Variants in GADL1 observed in about 807,000 individuals in gnomAD.
GADL1 encodes acidic amino acid decarboxylase GADL1.
A neutral mutation model predicts 69.5 loss-of-function variants in GADL1; 71 were observed. The observed-to-expected ratio is 1.02, with a 90% CI of 0.84 to 1.25. The LOEUF is 1.25. Ranked by LOEUF, GADL1 falls within the 50% of genes most tolerant of loss-of-function variation. The pLI is 0.00. For synonymous variants in GADL1, 254 were observed against 214.4 expected, an observed-to-expected ratio of 1.18 and a Z score of -1.62; for missense variants, 737 against 631.8, an observed-to-expected ratio of 1.17 and a Z score of -1.79.
chr3:30,826,954 G>A (rs879904433), intron 11 of GADL1, among the ~76,000 whole-genome samples: 10 of 151,772 alleles, frequency 6.6e-5, no homozygotes, highest in Admixed American at 4.6e-4. Flanking sequence ...ATGAGAGAAG[G>A]TAATGGCTAC....
chr3:30,804,176 T>A (rs1265584380), intron 11 of GADL1, among the ~76,000 whole-genome samples: 1 of 152,228 alleles, frequency 6.6e-6, no homozygotes, highest in African/African-American at 2.4e-5. Context: ...TCAGGCACAG[T>A]TGAATCCGGT....
At chr3:30,856,951 G>C in intron 3 of GADL1, 64 bp downstream of exon 3, 1 of 1,383,524 alleles carries the variant, frequency 7.2e-7, no homozygotes, top group South Asian at 1.3e-5. Context: ...TCAGCTTTGA[G>C]AGGCTTTGCA....
intron 13 of GADL1, among the ~76,000 whole-genome samples, chr3:30,781,678 T>C (rs568570448): frequency 2.9e-4 from 44 of 152,194 alleles, no homozygotes; most frequent in Middle Eastern, 3.2e-3. Flanking sequence ...ATCTTTGGGA[T>C]GAGTATCAAA....
At chr3:30,852,329 T>C (rs1232040326) in intron 4 of GADL1, among the ~76,000 whole-genome samples, 1 of 152,050 alleles carries the variant, frequency 6.6e-6, no homozygotes, top group Non-Finnish European at 1.5e-5. Context: ...CTGGCCAAGA[T>C]GGTGAAACCC....
intron 4 of GADL1, among the ~76,000 whole-genome samples, chr3:30,853,432 CATAATTTCACTGAT>C (rs1230457680): frequency 6.6e-5 from 10 of 152,114 alleles, no homozygotes; most frequent in Admixed American, 6.5e-4. Context: ...TTTCAATTAC[CATAATTTCACTGAT>C]AATTCTTAAG....
intron 1 of GADL1, among the ~76,000 whole-genome samples, chr3:30,887,794 A>G (rs1430723844): frequency 6.6e-6 from 1 of 152,212 alleles, no homozygotes; most frequent in Non-Finnish European, 1.5e-5. Flanking sequence ...TATACATTAA[A>G]AAGACATATC....
At chr3:30,765,594 G>A (rs975156035) in intron 14 of GADL1, among the ~76,000 whole-genome samples, 2 of 152,216 alleles carry the variant, frequency 1.3e-5, no homozygotes, top group Admixed American at 1.3e-4. Context: ...ACAAGGCCCT[G>A]CCCTCAGAAG....
At chr3:30,789,635 G>GT (rs1359608250) in intron 12 of GADL1, among the ~76,000 whole-genome samples, 1 of 152,174 alleles carries the variant, frequency 6.6e-6, no homozygotes, top group African/African-American at 2.4e-5. Context: ...TTGAAAACCT[G>GT]TTTAATGTAG....
At chr3:30,752,180 TGTTAA>T (rs2125478303) in intron 14 of GADL1, among the ~76,000 whole-genome samples, 2 of 144,332 alleles carry the variant, frequency 1.4e-5, no homozygotes, top group African/African-American at 2.8e-5. Flanking sequence ...GATGTAGTGC[TGTTAA>T]GTTCTCTCAG....
intron 14 of GADL1, among the ~76,000 whole-genome samples, chr3:30,764,329 T>A (rs920987771): frequency 6.6e-6 from 1 of 151,934 alleles, no homozygotes; most frequent in African/African-American, 2.4e-5. Flanking sequence ...GTGTGTAGAC[T>A]CTAAGAGAAA....
intron 14 of GADL1, among the ~76,000 whole-genome samples, chr3:30,757,422 G>T (rs907590626): frequency 5.3e-5 from 8 of 152,172 alleles, no homozygotes; most frequent in East Asian, 1.9e-4. Context: ...AGGACAATTC[G>T]CATGGAAAGT....
At chr3:30,796,482 C>T (rs1049748656) in intron 12 of GADL1, among the ~76,000 whole-genome samples, 10 of 152,196 alleles carry the variant, frequency 6.6e-5, no homozygotes, top group South Asian at 6.2e-4. Flanking sequence ...GAGAGCATCA[C>T]ATTGCCCTGG....
intron 14 of GADL1, among the ~76,000 whole-genome samples, chr3:30,750,811 T>C (rs2125477251): frequency 6.6e-6 from 1 of 150,722 alleles, no homozygotes; most frequent in South Asian, 2.1e-4. Flanking sequence ...GACTAAAAAG[T>C]TGCTAATTCA....
At chr3:30,827,332 A>C (rs1330993051) in intron 11 of GADL1, among the ~76,000 whole-genome samples, 1 of 151,166 alleles carries the variant, frequency 6.6e-6, no homozygotes, top group African/African-American at 2.4e-5. Context: ...TAGGACCAGT[A>C]CACATTTATG....
At chr3:30,792,755 G>T (rs560449715) in intron 12 of GADL1, among the ~76,000 whole-genome samples, 1 of 152,240 alleles carries the variant, frequency 6.6e-6, no homozygotes, top group African/African-American at 2.4e-5. Context: ...ATACAGCAGT[G>T]TCCGAAGAGC....
intron 11 of GADL1, among the ~76,000 whole-genome samples, chr3:30,824,328 A>G (rs1697646365): frequency 6.6e-6 from 1 of 150,720 alleles, no homozygotes. Flanking sequence ...TATTGAAAGA[A>G]AATTACTGAC....
At chr3:30,757,415 A>T (rs1456252473) in intron 14 of GADL1, among the ~76,000 whole-genome samples, 1 of 152,210 alleles carries the variant, frequency 6.6e-6, no homozygotes, top group East Asian at 1.9e-4. Context: ...AATGCTTAGG[A>T]CAATTCGCAT....
chr3:30,856,977 C>A, intron 3 of GADL1, 38 bp downstream of exon 3: 1 of 1,517,818 alleles, frequency 6.6e-7, no homozygotes, highest in South Asian at 1.2e-5. Flanking sequence ...AAGAACTTGT[C>A]AGAGGTACAG....
intron 11 of GADL1, among the ~76,000 whole-genome samples, chr3:30,815,328 T>TC (rs1482255105): frequency 4.6e-5 from 7 of 151,868 alleles, no homozygotes; most frequent in African/African-American, 1.7e-4. Context: ...TAGACAGTTC[T>TC]CTCTGGTCGG....
Sources: gnomAD v4.1 joint callset for allele counts (sites outside exome capture counted in the v4.1 genomes callset) on GRCh38, gnomAD v4.1.1 for gene constraint, MANE v1.5 for transcripts, NCBI Gene and HGNC (gene_info 2026-07-23, HGNC 2026-07-21) for gene names.